ADORA2B: variants seen among roughly 807,000 people sequenced by gnomAD.
ADORA2B encodes adenosine receptor A2b.
Under a neutral mutation model 20.8 loss-of-function variants are expected in ADORA2B, and 18 were observed. The ratio of observed to expected loss-of-function variants is 0.87; its 90% CI spans 0.60 to 1.29. ADORA2B has a LOEUF of 1.29. Among genes scored for constraint, ADORA2B ranks in the 50% most tolerant of loss-of-function variants. The probability of loss-of-function intolerance (pLI) is 0.00; values close to 1 mark genes in which losing one functional copy is unlikely to be tolerated. For synonymous variants in ADORA2B, 179 were observed against 178.3 expected, an observed-to-expected ratio of 1.00 and a Z score of -0.03; for missense variants, 441 against 422.7, an observed-to-expected ratio of 1.04 and a Z score of -0.38.
chr17:15,941,564 C>G (rs1262108628), upstream of ADORA2B, among the ~76,000 whole-genome samples: 11 of 151,824 alleles, frequency 7.2e-5, no homozygotes, highest in Non-Finnish European at 1.2e-4. Context: ...ACTGTCTCTA[C>G]AAAAACATTA....
chr17:15,894,831 G>GACCA, the ADORA2B span, among the ~76,000 whole-genome samples: 1 of 152,140 alleles, frequency 6.6e-6, no homozygotes, highest in East Asian at 1.9e-4. Context: ...TCCAAAGAAT[G>GACCA]GTCATGGTAA....
At chr17:15,857,420 G>A in the ADORA2B span, among the ~76,000 whole-genome samples, 1 of 152,222 alleles carries the variant, frequency 6.6e-6, no homozygotes, top group Non-Finnish European at 1.5e-5. Flanking sequence ...GCTGTGAGAA[G>A]AGGGACACCA....
At chr17:15,939,859 C>CA in the ADORA2B span, among the ~76,000 whole-genome samples, 4,166 of 51,920 alleles carry the variant, frequency 0.08, 156 homozygotes, top group Non-Finnish European at 0.1. Context: ...GACTCTGTCT[C>CA]AAAAAAAAAA....
At chr17:15,940,588 T>G (rs897483819), upstream of ADORA2B, among the ~76,000 whole-genome samples, 4 of 152,206 alleles carry the variant, frequency 2.6e-5, no homozygotes, top group African/African-American at 9.7e-5. Context: ...CAGGTTAGAC[T>G]TAAAATTTCC....
the ADORA2B span, among the ~76,000 whole-genome samples, chr17:15,904,206 T>G: frequency 2.6e-5 from 4 of 152,188 alleles, no homozygotes; most frequent in Admixed American, 6.5e-5. Flanking sequence ...TCTCGAACTC[T>G]TGGGGTCAAG....
intron 1 of ADORA2B, among the ~76,000 whole-genome samples, chr17:15,946,755 G>T (rs1969811863): frequency 6.6e-6 from 1 of 152,130 alleles, no homozygotes. Context: ...TCAGGGATGG[G>T]TGTCAGAGCC....
the ADORA2B span, among the ~76,000 whole-genome samples, chr17:15,914,222 A>G: frequency 6.6e-6 from 1 of 152,182 alleles, no homozygotes; most frequent in Non-Finnish European, 1.5e-5. Context: ...TCTTTGAGAC[A>G]ATCTCACTCT....
the ADORA2B span, among the ~76,000 whole-genome samples, chr17:15,938,193 GAAGGAAGGAAGGAAGTTAGA>G: frequency 6.6e-6 from 1 of 151,964 alleles, no homozygotes; most frequent in South Asian, 2.1e-4. Context: ...AAAAAAGAAG[GAAGGAAGGAAGGAAGTTAGA>G]AAGGAAGGAA....
rs183713151 is a variant in ADORA2B, at chr17:15,964,857, C to G, written c.336-9822C>G. On this transcript the variant is annotated intron_variant, in intron 1 of 1. Coordinates refer to ENST00000304222, the MANE Select transcript of ADORA2B (RefSeq NM_000676.4). ...TGGGCGAATCACGAGGTCAGGAGATCGAGACCATCCTGGCTAACACGGTGA... is the reference window on the plus strand; with the variant it reads ...TGGGCGAATCACGAGGTCAGGAGATGGAGACCATCCTGGCTAACACGGTGA... Among the ~76,000 whole-genome samples the G allele has an allele frequency of 2.8e-3, 427 of 151,988 alleles. 1 individual carries two copies. Among genetic ancestry groups the G allele is most frequent in the South Asian group, 0.011 (55 of 4,816 alleles).
the ADORA2B span, among the ~76,000 whole-genome samples, chr17:15,896,227 G>A: frequency 6.6e-6 from 1 of 152,088 alleles, no homozygotes; most frequent in Non-Finnish European, 1.5e-5. Context: ...TTATCTACTC[G>A]AGCTAGTCAG....
At chr17:15,856,438 T>C in the ADORA2B span, among the ~76,000 whole-genome samples, 1 of 152,028 alleles carries the variant, frequency 6.6e-6, no homozygotes, top group Non-Finnish European at 1.5e-5. Flanking sequence ...TGACTAATAG[T>C]GTAAATTTGT....
the ADORA2B span, among the ~76,000 whole-genome samples, chr17:15,929,638 G>A: frequency 6.6e-6 from 1 of 152,148 alleles, no homozygotes; most frequent in African/African-American, 2.4e-5. Flanking sequence ...CAGATAACTG[G>A]ATAAACAAAA....
chr17:15,969,955 G>A (rs1970169520), intron 1 of ADORA2B, among the ~76,000 whole-genome samples: 1 of 152,146 alleles, frequency 6.6e-6, no homozygotes, highest in Admixed American at 6.5e-5. Context: ...AGCACATGTT[G>A]TTCTCTCGGC....
At chr17:15,906,036 C>T in the ADORA2B span, among the ~76,000 whole-genome samples, 1 of 152,240 alleles carries the variant, frequency 6.6e-6, no homozygotes, top group African/African-American at 2.4e-5. Flanking sequence ...TCTACATAGA[C>T]AATCATGTCA....
chr17:15,892,325 G>A, the ADORA2B span, among the ~76,000 whole-genome samples: 277 of 152,046 alleles, frequency 1.8e-3, 2 homozygotes, highest in African/African-American at 6.3e-3. Flanking sequence ...GCACCACCAC[G>A]CCTGACTAAT....
chr17:15,940,456 A>G (rs549164148), upstream of ADORA2B, among the ~76,000 whole-genome samples: 1 of 152,372 alleles, frequency 6.6e-6, no homozygotes, highest in South Asian at 2.1e-4. Context: ...GTTGACTTCC[A>G]GAAGTGCTTG....
chr17:15,922,970 T>C, the ADORA2B span, among the ~76,000 whole-genome samples: 2 of 152,224 alleles, frequency 1.3e-5, no homozygotes, highest in Non-Finnish European at 2.9e-5. Flanking sequence ...TGTTCCTTTT[T>C]CTGTGAACTG....
the ADORA2B span, among the ~76,000 whole-genome samples, chr17:15,913,781 T>A: frequency 6.6e-6 from 1 of 152,366 alleles, no homozygotes; most frequent in Non-Finnish European, 1.5e-5. Flanking sequence ...CTCCCATATG[T>A]CCATCTGGGT....
chr17:15,952,103 A>G (rs537756647), intron 1 of ADORA2B, among the ~76,000 whole-genome samples: 32 of 152,156 alleles, frequency 2.1e-4, no homozygotes, highest in Non-Finnish European at 4.0e-4. Context: ...GTAAATGAAA[A>G]AAAAGTCAAC....
Sources: allele counts gnomAD v4.1 joint callset (sites outside exome capture counted in the v4.1 genomes callset), GRCh38; gene constraint gnomAD v4.1.1; transcripts MANE v1.5; gene names NCBI Gene and HGNC (gene_info 2026-07-23, HGNC 2026-07-21).